The following CBL variants were observed in gnomAD, a reference collection of about 807,000 sequenced individuals.
CBL encodes Cbl proto-oncogene, also known as E3 ubiquitin-protein ligase CBL.
CBL carries 45 observed loss-of-function variants against 96.9 expected under a neutral mutation model. That is an observed-to-expected ratio of 0.46 (90% CI 0.37 to 0.60). The LOEUF (loss-of-function observed/expected upper bound fraction) is 0.60. Among genes scored for constraint, CBL ranks in the 20% least tolerant of loss-of-function variants. CBL has a pLI of 0.00. For synonymous variants in CBL, 420 were observed against 426.8 expected (o/e 0.98, Z 0.20); for missense variants, 1,024 against 1,143.5 (o/e 0.90, Z 1.51).
intron 2 of CBL, among the ~76,000 whole-genome samples, chr11:119,265,879 G>C (rs947265801): frequency 2.0e-5 from 3 of 151,952 alleles, no homozygotes; most frequent in Non-Finnish European, 4.4e-5. Context: ...AAAATTAACC[G>C]GGCGTGGTGG....
At chr11:119,292,516 G>A (rs921003003) in intron 12 of CBL, among the ~76,000 whole-genome samples, 1 of 151,866 alleles carries the variant, frequency 6.6e-6, no homozygotes, top group Non-Finnish European at 1.5e-5. Context: ...CGCCTCCCGG[G>A]TTCATGCCAT....
chr11:119,274,194 A>ATATG (rs1159062142), intron 4 of CBL, among the ~76,000 whole-genome samples, 170 bp downstream of exon 4: 1 of 152,104 alleles, frequency 6.6e-6, no homozygotes, highest in East Asian at 1.9e-4. Flanking sequence ...TATTAAAAAT[A>ATATG]TATGTATGTG....
At chr11:119,252,003 G>T (rs1949672799) in intron 2 of CBL, among the ~76,000 whole-genome samples, 1 of 152,166 alleles carries the variant, frequency 6.6e-6, no homozygotes, top group East Asian at 1.9e-4. Context: ...CTAGTAGTGT[G>T]AAAATGTTAG....
At position 119,300,013 on chromosome 11, in the gene CBL, C is replaced by G. The variant is rs560668404; in HGVS notation, c.*232C>G. On this transcript the variant is annotated 3_prime_UTR_variant, in exon 16 of 16. Coordinates refer to ENST00000264033, the MANE Select transcript of CBL (RefSeq NM_005188.4). The stretch of plus-strand genomic sequence containing the variant: ...GTGCATTTGAAGGTGTCCTTCAGTT[C>G]CCACGTAGAGAGAGTGTGGATTATA... 1.8e-5 allele frequency: 11 copies of G among 605,498 alleles called. No homozygotes were observed. Among genetic ancestry groups the G allele is most frequent in the African/African-American group, 1.1e-4 (6 of 53,978 alleles). The allele number at this position is 605,498 out of a possible 1,614,324, so 37.5% of individuals were successfully genotyped here.
At chr11:119,236,970 C>A (rs1949551486) in intron 2 of CBL, among the ~76,000 whole-genome samples, 1 of 152,104 alleles carries the variant, frequency 6.6e-6, no homozygotes, top group Non-Finnish European at 1.5e-5. Flanking sequence ...AGAAATAATT[C>A]ATAAATTTTG....
intron 1 of CBL, among the ~76,000 whole-genome samples, chr11:119,225,473 A>G (rs1949451124): frequency 6.6e-6 from 1 of 152,038 alleles, no homozygotes; most frequent in African/African-American, 2.4e-5. Context: ...GTCTTGGTTC[A>G]CTGCAGCCTC....
chr11:119,286,683 A>G (rs888703456), intron 11 of CBL, among the ~76,000 whole-genome samples: 6 of 152,130 alleles, frequency 3.9e-5, no homozygotes, highest in African/African-American at 7.2e-5. Flanking sequence ...TTTAATTTGT[A>G]TGGTAGGAAA....
intron 1 of CBL, among the ~76,000 whole-genome samples, chr11:119,231,276 G>T (rs183672502): frequency 6.6e-6 from 1 of 152,164 alleles, no homozygotes; most frequent in Non-Finnish European, 1.5e-5. Flanking sequence ...GATGGTGGCC[G>T]CCTGTAATCC....
Position 119,300,655 on chromosome 11 carries a change from T to G in CBL, c.*874T>G. 2.5e-6 allele frequency: 1 copy of G among 398,680 alleles called. No homozygotes were observed. The highest frequency in any genetic ancestry group is 3.6e-5 in the East Asian group (1 of 28,082). 24.7% of individuals were successfully genotyped at this position (398,680 alleles called of 1,614,324 possible). A position where few individuals can be genotyped will look rare whatever the true frequency, so the allele number is the denominator to read the frequency against. ...AGCTATTAAGATGTTTTGATTATCC[T>G]AATTACATAATGACCGATTTGAGAT... On this transcript the variant is annotated 3_prime_UTR_variant, in exon 16 of 16. Transcript: ENST00000264033.
intron 9 of CBL, among the ~76,000 whole-genome samples, chr11:119,282,108 C>CCAGAGAATGGCTTGAACCTGGGA (rs1949939963): frequency 2.0e-5 from 3 of 151,376 alleles, no homozygotes; most frequent in African/African-American, 7.4e-5. Context: ...GAGGCCGAAG[C>CCAGAGAATGGCTTGAACCTGGGA]GGGCAGATCA....
rs113125452 is a variant in CBL at position 119,261,376 on chromosome 11, A to C, written c.444-10359A>C. Among the ~76,000 whole-genome samples, 4 of 152,170 alleles carry C rather than the reference A, an allele frequency of 2.6e-5. No individual in the cohort carries two copies. The East Asian group carries it at 7.7e-4, about 29-fold the overall frequency. Reference sequence around the variant, plus strand: ...TTGTTCAGGGAAATGCTATGTTTAAATGGAAATCGATGTCTAAGTTACATA... The same window carrying C: ...TTGTTCAGGGAAATGCTATGTTTAACTGGAAATCGATGTCTAAGTTACATA... On this transcript the variant is annotated intron_variant, in intron 2 of 15. Coordinates refer to ENST00000264033, the MANE Select transcript of CBL (RefSeq NM_005188.4).
intron 1 of CBL, among the ~76,000 whole-genome samples, chr11:119,226,268 A>G (rs940576835): frequency 9.9e-5 from 15 of 152,158 alleles, no homozygotes; most frequent in African/African-American, 2.2e-4. Flanking sequence ...GAGGTCCACT[A>G]TTCTGTCTTT....
intron 2 of CBL, among the ~76,000 whole-genome samples, chr11:119,239,131 G>A (rs973398711): frequency 6.6e-6 from 1 of 151,916 alleles, no homozygotes; most frequent in Non-Finnish European, 1.5e-5. Flanking sequence ...CATCATGCCT[G>A]GCTAATTTTT....
chr11:119,272,836 C>T (rs1206508001), intron 3 of CBL, among the ~76,000 whole-genome samples: 1 of 152,100 alleles, frequency 6.6e-6, no homozygotes, highest in Non-Finnish European at 1.5e-5. Flanking sequence ...TTGTTAGATA[C>T]TTACATTACA....
At chr11:119,236,761 T>C (rs1162517142) in intron 2 of CBL, among the ~76,000 whole-genome samples, 1 of 152,054 alleles carries the variant, frequency 6.6e-6, no homozygotes, top group Non-Finnish European at 1.5e-5. Context: ...TTGCTAACAA[T>C]TGCTATTGAC....
At chr11:119,255,896 A>G (rs1217308070) in intron 2 of CBL, among the ~76,000 whole-genome samples, 1 of 151,446 alleles carries the variant, frequency 6.6e-6, no homozygotes, top group Non-Finnish European at 1.5e-5. Context: ...CCCTTAATTT[A>G]TACTTTAAAA....
chr11:119,305,975 G>A lies in CBL; in HGVS notation c.*6194G>A. On this transcript the variant is annotated 3_prime_UTR_variant, in exon 16 of 16. Coordinates refer to ENST00000264033, the MANE Select transcript of CBL (RefSeq NM_005188.4). ...GTCATCAGACTTTGCCTTTGATGTT[G>A]TAGACTAGGCTCCTGAGTTAAGCAG... is the stretch of plus-strand genomic sequence containing the variant. 3.3e-6 allele frequency: 1 copy of A among 306,872 alleles called. No homozygotes were observed. Among genetic ancestry groups the A allele is most frequent in the Non-Finnish European group, 6.0e-6 (1 of 167,392 alleles). 19.0% of individuals were successfully genotyped at this position (306,872 alleles called of 1,614,324 possible). A position where few individuals can be genotyped will look rare whatever the true frequency, so the allele number is the denominator to read the frequency against.
In CBL at chr11:119,303,294, T is replaced by C. The variant is rs1950113976; in HGVS notation, c.*3513T>C. The C allele has an allele frequency of 4.3e-6, 1 of 233,040 alleles. No homozygotes were observed. Among genetic ancestry groups the C allele is most frequent in the Non-Finnish European group, 8.5e-6 (1 of 117,616 alleles). 14.4% of individuals were successfully genotyped at this position (233,040 alleles called of 1,614,324 possible). ...AAGTCCCTCTTCTTGCCGTTGGCCT[T>C]TCTGACTCTGGAATGACCACTGTTC... On this transcript the variant is annotated 3_prime_UTR_variant, in exon 16 of 16. Transcript: ENST00000264033.
rs398017760 is a variant in CBL at position 119,283,625 on chromosome 11, C to CTTTTTTTTTTTTTTTTTTTTTTTTT, written c.1432-1338_1432-1314dup. On this transcript the variant is annotated intron_variant, in intron 9 of 15. Transcript: ENST00000264033. ...AAATATTAATCCTTTTTAATTCTTT[C>CTTTTTTTTTTTTTTTTTTTTTTTTT]TTTTTTTTTTTTTTTTTTTTTTTTT... Among the ~76,000 whole-genome samples, 28 of 45,526 alleles carry CTTTTTTTTTTTTTTTTTTTTTTTTT rather than the reference C, an allele frequency of 6.2e-4. 8 individuals carry two copies. Among genetic ancestry groups the CTTTTTTTTTTTTTTTTTTTTTTTTT allele is most frequent in the South Asian group, 2.8e-3 (2 of 702 alleles). 29.9% of individuals were successfully genotyped at this position (45,526 alleles called of 152,430 possible).
Sources: gnomAD v4.1 joint callset for allele counts (sites outside exome capture counted in the v4.1 genomes callset) on GRCh38, gnomAD v4.1.1 for gene constraint, MANE v1.5 for transcripts, NCBI Gene and HGNC (gene_info 2026-07-23, HGNC 2026-07-21) for gene names.